Variants in SSBP3 observed in about 807,000 individuals in gnomAD.
SSBP3 encodes the protein single stranded DNA binding protein 3.
Under a neutral mutation model 69.6 loss-of-function variants are expected in SSBP3, and 5 were observed. The ratio of observed to expected loss-of-function variants is 0.07; its 90% confidence interval spans 0.04 to 0.15. The LOEUF is 0.15. Ranked by LOEUF, SSBP3 falls within the 10% of genes least tolerant of loss-of-function variation. SSBP3 has a pLI of 1.00. For synonymous variants in SSBP3, 196 were observed against 193.4 expected (o/e 1.01, Z -0.11); for missense variants, 312 against 534.0 (o/e 0.58, Z 4.10).
chr1:54,228,811 C>T (rs533633586), exon 15 of SSBP3: 54 of 1,611,782 alleles, frequency 3.4e-5, no homozygotes, highest in South Asian at 3.1e-4. Context: ...CCGTCCGAGC[C>T]GGGACCCATC....
At chr1:54,303,897 A>C (rs1645849051) in intron 4 of SSBP3, among the ~76,000 whole-genome samples, 1 of 152,174 alleles carries the variant, frequency 6.6e-6, no homozygotes, top group African/African-American at 2.4e-5. Flanking sequence ...ATTTCTTTTT[A>C]CTTTGTTATG....
In SSBP3 at chr1:54,380,308, C is replaced by T. The variant is rs1396489240; in HGVS notation, c.276+21553G>A. On this transcript the variant is annotated intron_variant, in intron 4 of 17. Transcript: ENST00000610401. The stretch of plus-strand genomic sequence containing the variant: ...CCCTCCCCATGGTTCCTCCTCACCC[C>T]CATGCCCAAATGCTTGAGTCTTGAT... 2.0e-5 allele frequency among the ~76,000 whole-genome samples: 3 copies of T among 152,186 alleles called. No homozygotes were observed. In the East Asian group the frequency reaches 5.8e-4, roughly 29 times the overall value.
intron 4 of SSBP3, among the ~76,000 whole-genome samples, chr1:54,343,748 G>A (rs1397262162): frequency 6.6e-6 from 1 of 152,118 alleles, no homozygotes; most frequent in Non-Finnish European, 1.5e-5. Flanking sequence ...CACACATAAG[G>A]TCACCCTGGC....
chr1:54,277,752 T>C (rs899878532), intron 5 of SSBP3, among the ~76,000 whole-genome samples: 2 of 152,218 alleles, frequency 1.3e-5, no homozygotes, highest in Admixed American at 1.3e-4. Context: ...GTTTTGGACT[T>C]AGAAATCCTT....
chr1:54,336,526 AATGGGCT>A (rs1646510356), intron 4 of SSBP3, among the ~76,000 whole-genome samples: 2 of 152,076 alleles, frequency 1.3e-5, no homozygotes, highest in South Asian at 4.1e-4. Flanking sequence ...CCACGGAGCC[AATGGGCT>A]CCAAGCAGAT....
chr1:54,400,848 G>C (rs181695905), intron 4 of SSBP3, among the ~76,000 whole-genome samples: 1 of 152,162 alleles, frequency 6.6e-6, no homozygotes, highest in South Asian at 2.1e-4. Context: ...TCCACATGCA[G>C]GGAACTCAGA....
intron 4 of SSBP3, among the ~76,000 whole-genome samples, chr1:54,368,780 A>G (rs982352012): frequency 6.6e-6 from 1 of 152,190 alleles, no homozygotes; most frequent in African/African-American, 2.4e-5. Context: ...GAAAGCTGAT[A>G]GACTAAAAAG....
chr1:54,374,341 C>T (rs1037706360), intron 4 of SSBP3, among the ~76,000 whole-genome samples: 2 of 152,180 alleles, frequency 1.3e-5, no homozygotes, highest in South Asian at 2.1e-4. Context: ...TCCGGGAAGA[C>T]GACTCTGAGC....
exon 17 of SSBP3, chr1:54,228,267 A>T: frequency 6.2e-7 from 1 of 1,613,888 alleles, no homozygotes. Flanking sequence ...TGTCGTTCTG[A>T]AAGGAGTGGA....
intron 4 of SSBP3, among the ~76,000 whole-genome samples, chr1:54,387,686 TAGTC>T (rs1422634053): frequency 6.6e-6 from 1 of 152,236 alleles, no homozygotes; most frequent in Non-Finnish European, 1.5e-5. Context: ...GATTTTAATT[TAGTC>T]AGTTACCGAA....
At chr1:54,227,557 G>T (rs1402318732) in intron 17 of SSBP3, among the ~76,000 whole-genome samples, 1 of 152,130 alleles carries the variant, frequency 6.6e-6, no homozygotes, top group Non-Finnish European at 1.5e-5. Flanking sequence ...GGTGCCCTGG[G>T]GTGGGGCCAG....
intron 14 of SSBP3, among the ~76,000 whole-genome samples, chr1:54,231,052 T>C (rs1280688476): frequency 5.3e-5 from 8 of 152,190 alleles, no homozygotes; most frequent in Admixed American, 2.0e-4. Context: ...TGCTGGGTCA[T>C]AGGGTAACCC....
chr1:54,382,148 T>G (rs1389176402), intron 4 of SSBP3, among the ~76,000 whole-genome samples: 1 of 152,164 alleles, frequency 6.6e-6, no homozygotes, highest in Non-Finnish European at 1.5e-5. Flanking sequence ...GAGCCGAGAC[T>G]GTGCCACTGC....
upstream of SSBP3, among the ~76,000 whole-genome samples, chr1:54,407,438 A>T (rs1210158098): frequency 3.3e-5 from 5 of 149,570 alleles, no homozygotes; most frequent in Admixed American, 3.3e-4. Flanking sequence ...CAGGTGTACA[A>T]TGGGAAATTG....
At chr1:54,374,207 C>T (rs754878879) in intron 4 of SSBP3, among the ~76,000 whole-genome samples, 11 of 152,164 alleles carry the variant, frequency 7.2e-5, no homozygotes, top group African/African-American at 2.2e-4. Context: ...CGCAGGTGCG[C>T]GGGAATGTGT....
In SSBP3 at chr1:54,258,772, G is replaced by A. The variant is rs1469493965; in HGVS notation, c.367-623C>T. ...GCACCACAGATGTAACACACAGGGA[G>A]TGAGGGGACAGTGAGTGAGGGCCAC... On this transcript the variant is annotated intron_variant, in intron 5 of 17. Transcript: ENST00000610401. The surrounding 1 kb of genome is among the most constrained non-coding windows in gnomAD (Gnocchi z 4.5). Among the ~76,000 whole-genome samples, 3 of 152,194 alleles carry A rather than the reference G, an allele frequency of 2.0e-5. No homozygotes were observed. The highest frequency in any genetic ancestry group is 4.4e-5 in the Non-Finnish European group (3 of 68,030).
intron 5 of SSBP3, among the ~76,000 whole-genome samples, chr1:54,281,105 A>G (rs1394683246): frequency 6.6e-6 from 1 of 152,190 alleles, no homozygotes; most frequent in Non-Finnish European, 1.5e-5. Context: ...CCTTTTGTTA[A>G]AAGAAAGCTC....
chr1:54,396,424 C>T (rs1244928655), intron 4 of SSBP3, among the ~76,000 whole-genome samples: 1 of 152,144 alleles, frequency 6.6e-6, no homozygotes, highest in Non-Finnish European at 1.5e-5. Context: ...ACAGCTAGTG[C>T]CACATTTCTG....
intron 4 of SSBP3, among the ~76,000 whole-genome samples, chr1:54,372,930 ATCT>A (rs1647158450): frequency 6.6e-6 from 1 of 152,118 alleles, no homozygotes; most frequent in Non-Finnish European, 1.5e-5. Flanking sequence ...TTTTTCTACA[ATCT>A]TCTTCCTTTT....
Sources: allele counts gnomAD v4.1 joint callset (sites outside exome capture counted in the v4.1 genomes callset), GRCh38; gene constraint gnomAD v4.1.1; non-coding constraint Gnocchi (gnomAD v3.1); transcripts MANE v1.5; gene names NCBI Gene and HGNC (gene_info 2026-07-23, HGNC 2026-07-21).